The following SLC25A26 variants were observed in gnomAD, a reference collection of about 807,000 sequenced individuals.
SLC25A26 encodes solute carrier family 25 member 26.
SLC25A26 carries 36 observed loss-of-function variants against 37.8 expected under a neutral mutation model. The observed-to-expected ratio is 0.95, with a 90% CI of 0.73 to 1.26. The LOEUF (loss-of-function observed/expected upper bound fraction) is 1.26, where lower values mean the gene tolerates loss of function less well. Among genes scored for constraint, SLC25A26 ranks in the 50% most tolerant of loss-of-function variants. SLC25A26 has a pLI of 0.00. For missense variants in SLC25A26, 390 were observed against 331.1 expected, an observed-to-expected ratio of 1.18 and a Z score of -1.38; for synonymous variants, 129 against 122.5, an observed-to-expected ratio of 1.05 and a Z score of -0.35.
intron 5 of SLC25A26, among the ~76,000 whole-genome samples, chr3:66,264,661 T>G (rs1313780297): frequency 6.6e-6 from 1 of 152,210 alleles, no homozygotes; most frequent in Admixed American, 6.5e-5. Context: ...AGTTTCATCC[T>G]GAAACCACCC....
At position 66,362,730 on chromosome 3, in the gene SLC25A26, T is replaced by C. The variant is rs554040103; in HGVS notation, c.499-130T>C. The C allele has an allele frequency of 4.7e-5, 25 of 534,746 alleles. No individual in the cohort carries two copies. The South Asian group carries it at 6.8e-4, about 15-fold the overall frequency. The allele number at this position is 534,746 out of a possible 1,614,324, so 33.1% of individuals were successfully genotyped here. On this transcript the variant is annotated intron_variant, in intron 6 of 9. Coordinates refer to ENST00000354883, the MANE Select transcript of SLC25A26 (RefSeq NM_001379210.1). Reference sequence around the variant, plus strand: ...CTGTTAAGTCTTTGGGAAAGTCACTTATGTCATCAGTAAAGAATGCCACCA... The same window carrying C: ...CTGTTAAGTCTTTGGGAAAGTCACTCATGTCATCAGTAAAGAATGCCACCA...
chr3:66,248,322 C>T (rs1434728523), intron 3 of SLC25A26, among the ~76,000 whole-genome samples: 4 of 152,080 alleles, frequency 2.6e-5, no homozygotes, highest in Non-Finnish European at 4.4e-5. Flanking sequence ...CTGCTTGTGC[C>T]GTTTTTATTA....
At chr3:66,306,501 T>G (rs2075226284) in intron 5 of SLC25A26, among the ~76,000 whole-genome samples, 1 of 152,198 alleles carries the variant, frequency 6.6e-6, no homozygotes, top group African/African-American at 2.4e-5. Context: ...TCTTTTCTTT[T>G]TTAATACTTT....
intron 1 of SLC25A26, among the ~76,000 whole-genome samples, chr3:66,225,298 A>G (rs1365131098): frequency 6.6e-6 from 1 of 152,208 alleles, no homozygotes; most frequent in Admixed American, 6.5e-5. Flanking sequence ...CCCAAAGCTC[A>G]GTTCTTGTCT....
Position 66,315,507 on chromosome 3 carries a change from T to C in SLC25A26, c.454-30857T>C, listed in dbSNP as rs538138963. 3.9e-5 allele frequency among the ~76,000 whole-genome samples: 6 copies of C among 152,326 alleles called. No homozygotes were observed. In the South Asian group the frequency reaches 1.0e-3, roughly 26 times the overall value. The stretch of plus-strand genomic sequence containing the variant: ...AGACTGTTTGTTATGATTTCAGTTA[T>C]TTTGCATTTGCTCACAAGTGATTTT... On this transcript the variant is annotated intron_variant, in intron 5 of 9. Transcript: ENST00000354883.
At chr3:66,221,848 A>G (rs2071510749) in intron 1 of SLC25A26, among the ~76,000 whole-genome samples, 1 of 150,824 alleles carries the variant, frequency 6.6e-6, no homozygotes. Flanking sequence ...ATTGTGTGGA[A>G]TGGGCAGAGA....
chr3:66,294,051 G>A (rs562067229), intron 5 of SLC25A26, among the ~76,000 whole-genome samples: 10 of 151,748 alleles, frequency 6.6e-5, no homozygotes, highest in African/African-American at 9.7e-5. Context: ...TTCTAGTTCC[G>A]TGAAGAATGT....
chr3:66,260,019 A>C (rs139662082), intron 3 of SLC25A26, among the ~76,000 whole-genome samples: 3 of 152,030 alleles, frequency 2.0e-5, no homozygotes, highest in African/African-American at 7.2e-5. Flanking sequence ...TTTTGTATTT[A>C]TGTACTTCCT....
chr3:66,278,491 G>A (rs376895922), intron 5 of SLC25A26, among the ~76,000 whole-genome samples: 24 of 151,112 alleles, frequency 1.6e-4, no homozygotes, highest in African/African-American at 5.1e-4. Context: ...TTATTTCATC[G>A]GTGCTTTCAG....
At chr3:66,325,774 T>C (rs1421327669) in intron 5 of SLC25A26, among the ~76,000 whole-genome samples, 3 of 152,178 alleles carry the variant, frequency 2.0e-5, no homozygotes, top group Non-Finnish European at 4.4e-5. Flanking sequence ...TCCAAGACCA[T>C]GGAAGGACAT....
intron 1 of SLC25A26, among the ~76,000 whole-genome samples, chr3:66,184,569 T>A (rs948604402): frequency 1.1e-4 from 1 of 9,152 alleles, no homozygotes; most frequent in African/African-American, 4.3e-4. Flanking sequence ...ATCAGGACCG[T>A]TATGTTCACC....
At position 66,142,320 on chromosome 3, in the gene SLC25A26, T is replaced by G. The variant is rs1016944495; in HGVS notation, c.-354+8336T>G. ...CCATCGCATGTATCAGTATCAGTACTTCATTCTGATGGTGTTCAGGACCCA... is the reference window on the plus strand; with the variant it reads ...CCATCGCATGTATCAGTATCAGTACGTCATTCTGATGGTGTTCAGGACCCA... On this transcript the variant is annotated intron_variant, in intron 1 of 10. Transcript: ENST00000676754. Among the ~76,000 whole-genome samples the G allele has an allele frequency of 9.8e-5, 15 of 152,368 alleles. No individual in the cohort carries two copies. The South Asian group carries it at 3.1e-3, about 32-fold the overall frequency.
At chr3:66,247,244 T>C (rs2072890036) in intron 3 of SLC25A26, among the ~76,000 whole-genome samples, 1 of 145,864 alleles carries the variant, frequency 6.9e-6, no homozygotes, top group Non-Finnish European at 1.5e-5. Flanking sequence ...TTCTTGATGT[T>C]GGCTATTTAA....
intron 6 of SLC25A26, among the ~76,000 whole-genome samples, chr3:66,357,353 G>A (rs1390106690): frequency 1.3e-5 from 2 of 152,208 alleles, no homozygotes; most frequent in African/African-American, 4.8e-5. Context: ...GTTGGAGGCT[G>A]CAGTGGGCTG....
At chr3:66,371,597 G>A (rs1204191742) in intron 9 of SLC25A26, among the ~76,000 whole-genome samples, 1 of 152,224 alleles carries the variant, frequency 6.6e-6, no homozygotes, top group Non-Finnish European at 1.5e-5. Context: ...GGCAAAGCCA[G>A]AGGAATAATT....
intron 3 of SLC25A26, among the ~76,000 whole-genome samples, chr3:66,255,190 G>T (rs986574517): frequency 1.3e-5 from 2 of 152,152 alleles, no homozygotes; most frequent in Non-Finnish European, 2.9e-5. Context: ...GGTGGCCTAG[G>T]CTGGCTCCAA....
chr3:66,377,060 G>C (rs557759860), intron 9 of SLC25A26, among the ~76,000 whole-genome samples: 2 of 152,114 alleles, frequency 1.3e-5, no homozygotes, highest in African/African-American at 4.8e-5. Context: ...GTATGGGGAG[G>C]GGGGGCAGTT....
chr3:66,283,509 T>C (rs988900770), intron 5 of SLC25A26, among the ~76,000 whole-genome samples: 3 of 152,184 alleles, frequency 2.0e-5, no homozygotes, highest in Non-Finnish European at 4.4e-5. Flanking sequence ...CTCAAACTCC[T>C]GGGCTCAAGC....
chr3:66,243,311 T>G lies in SLC25A26; in HGVS notation c.299T>G (p.Val100Gly). The G allele has an allele frequency of 6.4e-7, 1 of 1,551,510 alleles. No individual in the cohort carries two copies. The highest frequency in any genetic ancestry group is 8.9e-7 in the Non-Finnish European group (1 of 1,127,432). ...ATGTTGGCTGCCTCTGCTGGAGAAG[T>G]GGTAAGTAACAAGTTTTGTGTATAA... ...KHMLAASAGE[V>G]VACLIRVPSE... Residue 100 changes from valine to glycine, a missense_variant and splice_region_variant, in exon 3 of 10, where the codon GTG becomes GGG. Physicochemically the swap from Val to Gly is moderately radical, Grantham distance 109 (BLOSUM62 -3). Transcript: ENST00000354883.
Sources: gnomAD v4.1 joint callset for allele counts (sites outside exome capture counted in the v4.1 genomes callset) on GRCh38, gnomAD v4.1.1 for gene constraint, MANE v1.5 for transcripts, NCBI Gene and HGNC (gene_info 2026-07-23, HGNC 2026-07-21) for gene names.